Variants in MCTP1 observed in about 807,000 individuals in gnomAD.
The protein encoded by MCTP1 is multiple C2 and transmembrane domain-containing protein 1.
A neutral mutation model predicts 120.6 loss-of-function variants in MCTP1; 69 were observed. The ratio of observed to expected loss-of-function variants is 0.57; its 90% CI spans 0.47 to 0.70. The LOEUF (loss-of-function observed/expected upper bound fraction) is 0.70. MCTP1 is among the 30% of genes least tolerant of loss of function. MCTP1 has a pLI of 0.00. For synonymous variants in MCTP1, 529 were observed against 493.1 expected, an observed-to-expected ratio of 1.07 and a Z score of -0.96; for missense variants, 1,203 against 1,248.8, an observed-to-expected ratio of 0.96 and a Z score of 0.55.
chr5:94,715,699 CAGT>C (rs1309762173), intron 19 of MCTP1, among the ~76,000 whole-genome samples: 3 of 152,128 alleles, frequency 2.0e-5, no homozygotes, highest in African/African-American at 7.2e-5. Flanking sequence ...AAGGAAGAAA[CAGT>C]GGTGGCCTTT....
In MCTP1 at chr5:94,779,112, T is replaced by G; in HGVS notation, c.2608A>C (p.Lys870Gln). The change falls in exon 19 of 23, where the codon AAG becomes CAG. Residue 870 changes from lysine (K) to glutamine (Q), a missense_variant and splice_region_variant. Physicochemically the swap from Lys to Gln is moderately conservative, Grantham distance 53. This residue lies in a region of MCTP1 where 740 missense variants were observed against 871.1 expected (regional missense o/e 0.85). Coordinates refer to ENST00000515393, the MANE Select transcript of MCTP1 (RefSeq NM_024717.7). ...DEEEEDDKDDKDSEKKGFINK... is the reference protein window; with the variant it reads ...DEEEEDDKDDQDSEKKGFINK... ...CAAGTGCTGGGAAAGATAATTACCT[T>G]GTCATCTTTGTCATCTTCTTCTTCC... 2 of 1,612,314 alleles carry G rather than the reference T, an allele frequency of 1.2e-6. No homozygotes were observed. Among genetic ancestry groups the G allele is most frequent in the Non-Finnish European group, 1.7e-6 (2 of 1,178,446 alleles).
intron 1 of MCTP1, among the ~76,000 whole-genome samples, chr5:95,243,471 G>A (rs1276788968): frequency 1.3e-5 from 2 of 152,184 alleles, no homozygotes; most frequent in Non-Finnish European, 2.9e-5. Context: ...CATAGAGTCT[G>A]AGGAAGTAGT....
At chr5:95,068,655 T>C in intron 1 of MCTP1, 3 of 400,190 alleles carry the variant, frequency 7.5e-6, no homozygotes, top group Non-Finnish European at 1.2e-5. Flanking sequence ...CCTTTGCTGT[T>C]CCCAGTAGCT....
At chr5:94,889,016 G>C (rs368982191) in intron 11 of MCTP1, 44 bp from the exon 12 acceptor site, 2 of 1,238,396 alleles carry the variant, frequency 1.6e-6, no homozygotes, top group Non-Finnish European at 2.4e-6. Context: ...AGGTCCCAAG[G>C]AGTCTTAAAG....
chr5:95,149,087 A>C (rs967945218), intron 1 of MCTP1, among the ~76,000 whole-genome samples: 4 of 152,170 alleles, frequency 2.6e-5, no homozygotes, highest in Admixed American at 2.0e-4. Context: ...CTGTGGTTGG[A>C]AAGAGAGAGA....
intron 1 of MCTP1, among the ~76,000 whole-genome samples, chr5:95,204,366 T>A (rs1751393310): frequency 6.6e-6 from 1 of 152,026 alleles, no homozygotes; most frequent in African/African-American, 2.4e-5. Flanking sequence ...AAAGGGAGCA[T>A]CCTCAACATG....
At chr5:95,176,724 C>G (rs1159959185) in intron 1 of MCTP1, among the ~76,000 whole-genome samples, 1 of 152,054 alleles carries the variant, frequency 6.6e-6, no homozygotes, top group Non-Finnish European at 1.5e-5. Flanking sequence ...TGGTGCATGC[C>G]TGTAATGTCT....
intron 10 of MCTP1, among the ~76,000 whole-genome samples, chr5:94,897,574 A>G (rs558673049): frequency 6.6e-6 from 1 of 152,196 alleles, no homozygotes; most frequent in African/African-American, 2.4e-5. Context: ...CATGTTGACC[A>G]TGCTAGTCTC....
intron 1 of MCTP1, among the ~76,000 whole-genome samples, chr5:95,110,546 ATGT>A (rs1757380065): frequency 2.0e-5 from 3 of 152,168 alleles, no homozygotes; most frequent in Admixed American, 1.3e-4. Context: ...AACCTTTATT[ATGT>A]TAAGCTCCTG....
chr5:95,170,370 A>C (rs1747087168), intron 1 of MCTP1, among the ~76,000 whole-genome samples: 1 of 152,254 alleles, frequency 6.6e-6, no homozygotes, highest in Admixed American at 6.5e-5. Context: ...TGTGGTGCTT[A>C]GTAGAATGTA....
chr5:95,168,992 G>A (rs1746835622), intron 1 of MCTP1, among the ~76,000 whole-genome samples: 1 of 152,082 alleles, frequency 6.6e-6, no homozygotes, highest in African/African-American at 2.4e-5. Context: ...CAAAGGGAAT[G>A]CTTCCAGTTT....
At chr5:95,141,839 G>C (rs1256685638) in intron 1 of MCTP1, among the ~76,000 whole-genome samples, 1 of 152,036 alleles carries the variant, frequency 6.6e-6, no homozygotes, top group Non-Finnish European at 1.5e-5. Flanking sequence ...ACTTGTGTTA[G>C]GCAAATAGGC....
chr5:94,712,221 G>T (rs1757277579), intron 20 of MCTP1, among the ~76,000 whole-genome samples: 1 of 152,110 alleles, frequency 6.6e-6, no homozygotes, highest in South Asian at 2.1e-4. Context: ...AAGACTGGTT[G>T]TGATGGTAAT....
intron 1 of MCTP1, among the ~76,000 whole-genome samples, chr5:95,171,317 C>G (rs1428017068): frequency 2.0e-5 from 3 of 152,136 alleles, no homozygotes; most frequent in Non-Finnish European, 2.9e-5. Flanking sequence ...TGGATAACCC[C>G]ACCTTTCTCT....
intron 1 of MCTP1, among the ~76,000 whole-genome samples, chr5:95,042,673 G>C (rs17084375): frequency 0.024 from 3,712 of 152,222 alleles, 160 homozygotes; most frequent in African/African-American, 0.086. Context: ...GTCTCCAAAG[G>C]TAACCACCAT....
At chr5:95,255,832 C>A (rs1487068934) in intron 1 of MCTP1, among the ~76,000 whole-genome samples, 2 of 152,166 alleles carry the variant, frequency 1.3e-5, no homozygotes, top group East Asian at 3.9e-4. Flanking sequence ...GGCCCCAGAA[C>A]TTCTCAGGGA....
intron 1 of MCTP1, among the ~76,000 whole-genome samples, chr5:95,095,696 T>C (rs1562139360): frequency 6.6e-6 from 1 of 152,198 alleles, no homozygotes; most frequent in African/African-American, 2.4e-5. Context: ...CTTATATTTG[T>C]GTCAAGATAA....
intron 2 of MCTP1, among the ~76,000 whole-genome samples, chr5:95,011,937 T>C (rs1836062342): frequency 6.6e-6 from 1 of 152,152 alleles, no homozygotes; most frequent in Admixed American, 6.6e-5. Flanking sequence ...ACTGCAAAAA[T>C]GATCCAGGCT....
intron 20 of MCTP1, among the ~76,000 whole-genome samples, chr5:94,711,712 C>T (rs1313827381): frequency 7.1e-6 from 1 of 140,756 alleles, no homozygotes; most frequent in East Asian, 2.3e-4. Context: ...GACCAATGAA[C>T]AGAAGTAGAA....
Sources: gnomAD v4.1 joint callset for allele counts (sites outside exome capture counted in the v4.1 genomes callset) on GRCh38, gnomAD v4.1.1 for gene constraint, gnomAD v4.1.1 regional missense constraint, MANE v1.5 for transcripts, NCBI Gene and HGNC (gene_info 2026-07-23, HGNC 2026-07-21) for gene names.